Variants in DBNL observed in about 807,000 individuals in gnomAD.
The protein encoded by DBNL is drebrin-like protein.
Under a neutral mutation model 62.2 loss-of-function variants are expected in DBNL, and 35 were observed. The observed-to-expected ratio is 0.56, with a 90% CI of 0.43 to 0.75. DBNL has a LOEUF of 0.75. Ranked by LOEUF, DBNL falls within the 30% of genes least tolerant of loss-of-function variation. The probability of loss-of-function intolerance (pLI) is 0.00; values close to 1 mark genes in which losing one functional copy is unlikely to be tolerated. For missense variants in DBNL, 495 were observed against 578.4 expected (o/e 0.86, Z 1.48); for synonymous variants, 197 against 218.0 (o/e 0.90, Z 0.85).
Position 44,068,068 on chromosome 7 carries a change from C to T in DBNL, c.*7152C>T, listed in dbSNP as rs188033558. On this transcript the variant is annotated 3_prime_UTR_variant, in exon 13 of 13. Coordinates refer to ENST00000448521, the MANE Select transcript of DBNL (RefSeq NM_001014436.3). Reference sequence around the variant, plus strand: ...TAACATGGAGGTGGCAGTGGTGGCACAGTGACGGTAGTGTGAGCTGGGTAC... The same window carrying T: ...TAACATGGAGGTGGCAGTGGTGGCATAGTGACGGTAGTGTGAGCTGGGTAC... 2 of 152,304 alleles carry T rather than the reference C, an allele frequency of 1.3e-5. No individual in the cohort carries two copies. The highest frequency in any genetic ancestry group is 1.3e-4 in the Admixed American group (2 of 15,282). The allele number at this position is 152,304 out of a possible 1,614,324, so 9.4% of individuals were successfully genotyped here.
At position 44,065,409 on chromosome 7, in the gene DBNL, C is replaced by T; in HGVS notation, c.*4493C>T. 1 of 1,614,132 alleles carries T rather than the reference C, an allele frequency of 6.2e-7. No homozygotes were observed. The highest frequency in any genetic ancestry group is 1.1e-5 in the South Asian group (1 of 91,086). ...TTGGCATCCTTGATGGCCTTGGCTC[C>T]CCGCTTGGCCTCCTCGGTCCCCTTT... is the stretch of plus-strand genomic sequence containing the variant. On this transcript the variant is annotated 3_prime_UTR_variant, in exon 13 of 13. Transcript: ENST00000448521.
Position 44,065,051 on chromosome 7 carries a change from G to A in DBNL, c.*4135G>A, listed in dbSNP as rs771276964. On this transcript the variant is annotated 3_prime_UTR_variant, in exon 13 of 13. Coordinates refer to ENST00000448521, the MANE Select transcript of DBNL (RefSeq NM_001014436.3). ...GCACGCTGCTTTCCCTCCCAAGCCA[G>A]TGGGCCCCCACCCGACTCCCCACTC... is the stretch of plus-strand genomic sequence containing the variant. 1.2e-6 allele frequency: 2 copies of A among 1,609,390 alleles called. No individual in the cohort carries two copies. Among genetic ancestry groups the A allele is most frequent in the Non-Finnish European group, 1.7e-6 (2 of 1,179,764 alleles).
chr7:44,062,930 C>G lies in DBNL; in HGVS notation c.*2014C>G. On this transcript the variant is annotated 3_prime_UTR_variant, in exon 13 of 13. Transcript: ENST00000448521. Reference sequence around the variant, plus strand: ...CTCCATGATCGCCTGGTCTGACATCCCTATGCCGGAAGGAATAGGTGTCCT... The same window carrying G: ...CTCCATGATCGCCTGGTCTGACATCGCTATGCCGGAAGGAATAGGTGTCCT... The G allele has an allele frequency of 1.2e-6, 2 of 1,614,196 alleles. No individual in the cohort carries two copies. Among genetic ancestry groups the G allele is most frequent in the Non-Finnish European group, 1.7e-6 (2 of 1,180,016 alleles).
At chr7:44,046,060 GA>G (rs1434877425) in intron 1 of DBNL, among the ~76,000 whole-genome samples, 2 of 152,188 alleles carry the variant, frequency 1.3e-5, no homozygotes, top group Non-Finnish European at 2.9e-5. Flanking sequence ...AGAGTTTCTA[GA>G]TGTCAGCCCT....
rs979784029 is a variant in DBNL at position 44,067,525 on chromosome 7, A to G, written c.*6609A>G. On this transcript the variant is annotated 3_prime_UTR_variant, in exon 13 of 13. Transcript: ENST00000448521. ...AAAGGGGAGCCCAAAGAAGGGCTGG[A>G]CTTCGGGGAAGCAAGCCCCTGCTTC... 1.3e-5 allele frequency: 2 copies of G among 152,374 alleles called. No individual in the cohort carries two copies. The highest frequency in any genetic ancestry group is 1.5e-5 in the Non-Finnish European group (1 of 68,036). 9.4% of individuals were successfully genotyped at this position (152,374 alleles called of 1,614,324 possible).
chr7:44,058,725 C>T (rs1350829474), intron 8 of DBNL, 177 bp from the exon 9 acceptor site: 1 of 848,992 alleles, frequency 1.2e-6, no homozygotes, highest in Non-Finnish European at 1.8e-6. Context: ...TGTTTTACTT[C>T]CTTTTTTAAC....
Position 44,068,234 on chromosome 7 carries a change from GGT to G in DBNL, c.*7319_*7320del, listed in dbSNP as rs2096163382. ...TGCAGTTTCAGGGAGTATGCAGCAG[GGT>G]AGGTAGGGAAAGAGCCCCAGATTTG... On this transcript the variant is annotated 3_prime_UTR_variant, in exon 13 of 13. Coordinates refer to ENST00000448521, the MANE Select transcript of DBNL (RefSeq NM_001014436.3). 2 of 77,480 alleles carry G rather than the reference GGT, an allele frequency of 2.6e-5. No individual in the cohort carries two copies. Among genetic ancestry groups the G allele is most frequent in the Non-Finnish European group, 5.0e-5 (2 of 39,960 alleles). 4.8% of individuals were successfully genotyped at this position (77,480 alleles called of 1,614,324 possible). A position where few individuals can be genotyped will look rare whatever the true frequency, so the allele number is the denominator to read the frequency against.
chr7:44,047,816 A>G (rs1439269946), intron 1 of DBNL, among the ~76,000 whole-genome samples: 1 of 151,876 alleles, frequency 6.6e-6, no homozygotes, highest in Admixed American at 6.6e-5. Context: ...CGCTGGGAAC[A>G]TTCTTAAAGG....
chr7:44,057,956 C>CTT, intron 6 of DBNL, 97 bp downstream of exon 6: 3 of 1,566,128 alleles, frequency 1.9e-6, no homozygotes, highest in Non-Finnish European at 2.6e-6. Flanking sequence ...ATCCACTCTC[C>CTT]TTGGTGCCCA....
Position 44,060,898 on chromosome 7 carries a change from C to T in DBNL, c.1275C>T (p.Tyr425=), listed in dbSNP as rs982399714. 4.3e-6 allele frequency: 7 copies of T among 1,613,922 alleles called. No individual in the cohort carries two copies. Among genetic ancestry groups the T allele is most frequent in the Non-Finnish European group, 5.9e-6 (7 of 1,179,976 alleles). The change falls in exon 13 of 13, where the codon TAC becomes TAT. Residue 425 remains tyrosine, a synonymous_variant. Coordinates refer to ENST00000448521, the MANE Select transcript of DBNL (RefSeq NM_001014436.3). The surrounding 1 kb of genome is among the most constrained non-coding windows in gnomAD (Gnocchi z 6.3). ...ATTTTGGCATGTTCCCTGCCAACTA[C>T]GTGGAGCTCATTGAGTGAGGCTGAG... ...DGHFGMFPAN[Y]VELIE
intron 1 of DBNL, among the ~76,000 whole-genome samples, chr7:44,048,834 G>A (rs2128789468): frequency 6.6e-6 from 1 of 152,292 alleles, no homozygotes; most frequent in East Asian, 1.9e-4. Flanking sequence ...AAGCCAGAAT[G>A]AATCTTTACC....
rs534841464 is a variant in DBNL at position 44,048,161 on chromosome 7, C to T, written c.84-2064C>T. On this transcript the variant is annotated intron_variant, in intron 1 of 12. Transcript: ENST00000448521. ...AACTCCTAACCTCAGGTGATCCACCCGCCTTGGCCTCCCAAAGTGCTGGGA... is the reference window on the plus strand; with the variant it reads ...AACTCCTAACCTCAGGTGATCCACCTGCCTTGGCCTCCCAAAGTGCTGGGA... 6.6e-5 allele frequency among the ~76,000 whole-genome samples: 10 copies of T among 152,272 alleles called. No individual in the cohort carries two copies. In the South Asian group the frequency reaches 1.5e-3, roughly 22 times the overall value.
intron 4 of DBNL, among the ~76,000 whole-genome samples, chr7:44,055,214 C>G (rs2096134106): frequency 6.6e-6 from 1 of 152,130 alleles, no homozygotes; most frequent in African/African-American, 2.4e-5. Context: ...GCCTGTAATC[C>G]CAGCAGTTTG....
chr7:44,059,307 T>C lies in DBNL; in HGVS notation c.836-47T>C. 6.3e-7 allele frequency: 1 copy of C among 1,587,090 alleles called. No individual in the cohort carries two copies. Among genetic ancestry groups the C allele is most frequent in the African/African-American group, 1.3e-5 (1 of 74,474 alleles). On this transcript the variant is annotated intron_variant, in intron 9 of 12. Transcript: ENST00000448521. This position sits in a 1 kb window ranked among gnomAD's most constrained non-coding sequence, Gnocchi z 4.1. ...GAGGGTGCTGTGGGGTGCGTGGGTG[T>C]GTGGTGGTGTTTCTGAAGTGATGTA... is the stretch of plus-strand genomic sequence containing the variant.
chr7:44,047,540 C>T (rs751831895), intron 1 of DBNL, among the ~76,000 whole-genome samples: 3 of 152,158 alleles, frequency 2.0e-5, no homozygotes, highest in Non-Finnish European at 4.4e-5. Context: ...TCTAATAGTA[C>T]GTTAGTGTTA....
chr7:44,062,633 T>C lies in DBNL; in HGVS notation c.*1717T>C. 2 of 872,812 alleles carry C rather than the reference T, an allele frequency of 2.3e-6. No homozygotes were observed. Among genetic ancestry groups the C allele is most frequent in the Non-Finnish European group, 3.7e-6 (2 of 544,868 alleles). The allele number at this position is 872,812 out of a possible 1,614,324, so 54.1% of individuals were successfully genotyped here. A position where few individuals can be genotyped will look rare whatever the true frequency, so the allele number is the denominator to read the frequency against. On this transcript the variant is annotated 3_prime_UTR_variant, in exon 13 of 13. Coordinates refer to ENST00000448521, the MANE Select transcript of DBNL (RefSeq NM_001014436.3). ...TGCCCCTGGTGACACACGTATGGAG[T>C]GGGGGAGGGTGGGTGGCTGCACCCC...
At position 44,047,052 on chromosome 7, in the gene DBNL, C is replaced by T. The variant is rs138112039; in HGVS notation, c.83+2232C>T. Among the ~76,000 whole-genome samples, 1,304 of 152,318 alleles carry T rather than the reference C, an allele frequency of 8.6e-3. 7 individuals carry two copies. Among genetic ancestry groups the T allele is most frequent in the Middle Eastern group, 0.017 (5 of 294 alleles). On this transcript the variant is annotated intron_variant, in intron 1 of 12. Transcript: ENST00000448521. ...CTCCCCAGCCTTCACTTCTTGGCCC[C>T]GAGGTTGCCTTCTCAGAGAGGCCTT...
Position 44,051,870 on chromosome 7 carries a change from G to A in DBNL, c.180G>A (p.Gly60=), listed in dbSNP as rs2096127197. ...LEEMVEELNS[G]KVMYAFCRVK... is the part of the protein sequence containing the mutation. ...AGATGGTGGAGGAGCTCAACAGCGG[G>A]AAGGTGATGTACGCCTTCTGCAGAG... Residue 60 remains glycine, a synonymous_variant, in exon 3 of 13, where the codon GGG becomes GGA. Coordinates refer to ENST00000448521, the MANE Select transcript of DBNL (RefSeq NM_001014436.3). The A allele has an allele frequency of 6.2e-7, 1 of 1,614,180 alleles. No homozygotes were observed. The highest frequency in any genetic ancestry group is 8.5e-7 in the Non-Finnish European group (1 of 1,180,026).
chr7:44,053,718 C>T (rs1349866140), intron 4 of DBNL, among the ~76,000 whole-genome samples: 2 of 151,424 alleles, frequency 1.3e-5, no homozygotes, highest in South Asian at 4.2e-4. Context: ...GCTCCGTTGC[C>T]CAGGCTGGAG....
Sources: gnomAD v4.1 joint callset for allele counts (sites outside exome capture counted in the v4.1 genomes callset) on GRCh38, gnomAD v4.1.1 for gene constraint, Gnocchi (gnomAD v3.1) non-coding constraint, MANE v1.5 for transcripts, NCBI Gene and HGNC (gene_info 2026-07-23, HGNC 2026-07-21) for gene names.